Variants in ZMAT4 observed in about 807,000 individuals in gnomAD.
ZMAT4 encodes zinc finger matrin-type protein 4.
A neutral mutation model predicts 28.7 loss-of-function variants in ZMAT4; 17 were observed. The ratio of observed to expected loss-of-function variants is 0.59; its 90% CI spans 0.41 to 0.89. The LOEUF is 0.89. Among genes scored for constraint, ZMAT4 ranks in the 40% least tolerant of loss-of-function variants. The pLI is 0.00. For synonymous variants in ZMAT4, 117 were observed against 109.2 expected (o/e 1.07, Z -0.44); for missense variants, 240 against 283.8 (o/e 0.85, Z 1.11).
intron 1 of ZMAT4, among the ~76,000 whole-genome samples, chr8:40,831,638 C>A (rs1044163546): frequency 1.1e-4 from 17 of 152,214 alleles, no homozygotes; most frequent in Admixed American, 9.8e-4. Context: ...GATCTAATAA[C>A]CTACTTTCCA....
intron 6 of ZMAT4, among the ~76,000 whole-genome samples, chr8:40,574,524 C>T (rs1200310942): frequency 6.6e-6 from 1 of 152,090 alleles, no homozygotes; most frequent in Non-Finnish European, 1.5e-5. Flanking sequence ...AGATGGCTGA[C>T]TAGTGGTGCC....
At chr8:40,616,724 C>T (rs539422973) in intron 5 of ZMAT4, among the ~76,000 whole-genome samples, 10 of 151,454 alleles carry the variant, frequency 6.6e-5, no homozygotes, top group East Asian at 5.9e-4. Context: ...CATCACACAC[C>T]GGGGCCTGCC....
intron 6 of ZMAT4, among the ~76,000 whole-genome samples, chr8:40,563,472 C>A (rs775263439): frequency 2.0e-5 from 3 of 152,114 alleles, no homozygotes; most frequent in Non-Finnish European, 4.4e-5. Flanking sequence ...GAATCTCTCT[C>A]AAGTATTAGG....
At chr8:40,610,509 T>C (rs1312371024) in intron 5 of ZMAT4, among the ~76,000 whole-genome samples, 8 of 152,034 alleles carry the variant, frequency 5.3e-5, no homozygotes, top group Admixed American at 4.6e-4. Context: ...TCTATATATA[T>C]ATATATTTTC....
chr8:40,612,821 T>G (rs1236850687), intron 5 of ZMAT4, among the ~76,000 whole-genome samples: 4 of 90,974 alleles, frequency 4.4e-5, no homozygotes, highest in African/African-American at 1.2e-4. Context: ...GTTTTTTTTT[T>G]TTTTTTTTGA....
intron 3 of ZMAT4, among the ~76,000 whole-genome samples, chr8:40,732,294 T>C (rs888276247): frequency 1.3e-5 from 2 of 149,282 alleles, no homozygotes; most frequent in African/African-American, 4.9e-5. Flanking sequence ...CTTAGAAGAG[T>C]GCCTACAACG....
chr8:40,707,890 T>C (rs1810431785), intron 3 of ZMAT4, among the ~76,000 whole-genome samples: 1 of 152,194 alleles, frequency 6.6e-6, no homozygotes, highest in Non-Finnish European at 1.5e-5. Context: ...CCATAGACCA[T>C]TTAATAAATA....
chr8:40,856,972 T>A (rs897423799), intron 1 of ZMAT4, among the ~76,000 whole-genome samples: 1 of 152,168 alleles, frequency 6.6e-6, no homozygotes, highest in Non-Finnish European at 1.5e-5. Context: ...GAAGAAAGTG[T>A]TCTCCACTAA....
intron 2 of ZMAT4, among the ~76,000 whole-genome samples, chr8:40,803,415 T>TA (rs1814939396): frequency 6.6e-6 from 1 of 152,058 alleles, no homozygotes; most frequent in South Asian, 2.1e-4. Flanking sequence ...ACAACCCCAC[T>TA]AAAAAATGGG....
chr8:40,676,248 C>A (rs546632356), intron 4 of ZMAT4, among the ~76,000 whole-genome samples: 4 of 152,098 alleles, frequency 2.6e-5, no homozygotes, highest in Admixed American at 6.5e-5. Flanking sequence ...CCCAAGGATC[C>A]TTTTCATACT....
At chr8:40,598,591 A>G (rs1227970666) in intron 5 of ZMAT4, among the ~76,000 whole-genome samples, 1 of 151,960 alleles carries the variant, frequency 6.6e-6, no homozygotes, top group Admixed American at 6.6e-5. Context: ...TGTGTGCCAT[A>G]TTTTCTTTAT....
intron 1 of ZMAT4, among the ~76,000 whole-genome samples, chr8:40,868,850 G>A (rs1817759739): frequency 1.3e-5 from 2 of 152,186 alleles, no homozygotes; most frequent in Non-Finnish European, 2.9e-5. Flanking sequence ...CACTTGTCTA[G>A]TTCATACTGC....
intron 2 of ZMAT4, among the ~76,000 whole-genome samples, chr8:40,801,371 T>TATAC (rs1199428052): frequency 3.5e-5 from 5 of 144,860 alleles, no homozygotes; most frequent in Non-Finnish European, 6.0e-5. Flanking sequence ...TATATATATA[T>TATAC]ACATATATAT....
intron 6 of ZMAT4, among the ~76,000 whole-genome samples, chr8:40,565,654 A>T (rs1357327019): frequency 6.6e-6 from 1 of 151,766 alleles, no homozygotes; most frequent in African/African-American, 2.4e-5. Flanking sequence ...CTGGGATTAC[A>T]TGTGTGAACC....
chr8:40,600,000 T>A (rs1267447092), intron 5 of ZMAT4, among the ~76,000 whole-genome samples: 1 of 152,218 alleles, frequency 6.6e-6, no homozygotes, highest in Non-Finnish European at 1.5e-5. Context: ...GTCTCATGTG[T>A]TGCCATGCTT....
intron 1 of ZMAT4, among the ~76,000 whole-genome samples, chr8:40,834,971 A>G (rs1277393912): frequency 6.6e-6 from 1 of 152,194 alleles, no homozygotes. Context: ...AGCAAGCCCA[A>G]ATGCACCCAG....
chr8:40,732,509 G>T (rs1032914382), intron 3 of ZMAT4, among the ~76,000 whole-genome samples: 2 of 152,238 alleles, frequency 1.3e-5, no homozygotes, highest in Non-Finnish European at 2.9e-5. Flanking sequence ...AAGCCATTGG[G>T]CTGGATTCAT....
intron 5 of ZMAT4, among the ~76,000 whole-genome samples, chr8:40,619,944 C>A (rs80109179): frequency 6.6e-6 from 1 of 152,126 alleles, no homozygotes; most frequent in African/African-American, 2.4e-5. Flanking sequence ...TGGCCCAAGA[C>A]ACTTCAATTT....
intron 6 of ZMAT4, among the ~76,000 whole-genome samples, chr8:40,555,207 C>T (rs1803494852): frequency 1.3e-5 from 2 of 152,202 alleles, no homozygotes; most frequent in South Asian, 4.2e-4. Context: ...TTTCTTTATC[C>T]TTTCATCCAT....
Sources: allele counts gnomAD v4.1 joint callset (sites outside exome capture counted in the v4.1 genomes callset), GRCh38; gene constraint gnomAD v4.1.1; transcripts MANE v1.5; gene names NCBI Gene and HGNC (gene_info 2026-07-23, HGNC 2026-07-21).